The following RMDN2 variants were observed in gnomAD, a reference collection of about 807,000 sequenced individuals.
The protein encoded by RMDN2 is regulator of microtubule dynamics 2, also known as regulator of microtubule dynamics protein 2.
A neutral mutation model predicts 52.8 loss-of-function variants in RMDN2; 61 were observed. The observed-to-expected ratio is 1.16, with a 90% confidence interval of 0.94 to 1.43. The LOEUF (loss-of-function observed/expected upper bound fraction) is 1.43, where lower values mean the gene tolerates loss of function less well. Among genes scored for constraint, RMDN2 ranks in the 40% most tolerant of loss-of-function variants. The pLI is 0.00. For synonymous variants in RMDN2, 180 were observed against 153.1 expected (o/e 1.18, Z -1.30); for missense variants, 592 against 475.3 (o/e 1.25, Z -2.28).
At chr2:37,962,909 G>A (rs888058765) in intron 2 of RMDN2, among the ~76,000 whole-genome samples, 1 of 152,214 alleles carries the variant, frequency 6.6e-6, no homozygotes, top group African/African-American at 2.4e-5. Context: ...AGATAGCACA[G>A]TCTCTCATGG....
At chr2:38,022,282 A>G (rs1679442405), downstream of RMDN2, among the ~76,000 whole-genome samples, 1 of 152,232 alleles carries the variant, frequency 6.6e-6, no homozygotes, top group Admixed American at 6.5e-5. Flanking sequence ...ACAGGATTAT[A>G]TGTAGAACAT....
chr2:38,028,403 T>C (rs551746625), intron 10 of RMDN2, among the ~76,000 whole-genome samples: 4 of 152,374 alleles, frequency 2.6e-5, no homozygotes, highest in African/African-American at 9.6e-5. Context: ...CTTCATTGTA[T>C]GGCATTAATT....
chr2:38,004,563 A>G (rs1299045904), intron 10 of RMDN2, among the ~76,000 whole-genome samples: 3 of 152,114 alleles, frequency 2.0e-5, no homozygotes, highest in Non-Finnish European at 4.4e-5. Flanking sequence ...GCTGTCCTTT[A>G]AATCTCCAGA....
At chr2:38,002,979 C>CAA (rs1558536190) in intron 8 of RMDN2, 2 of 152,312 alleles carry the variant, frequency 1.3e-5, no homozygotes, top group East Asian at 3.9e-4. Context: ...TGTCTAGTGA[C>CAA]AATACCATAC....
rs1223779179 is a variant in RMDN2 at position 37,993,003 on chromosome 2, C to T, written c.945+1706C>T. On this transcript the variant is annotated intron_variant, in intron 7 of 10. Coordinates refer to ENST00000354545, the MANE Select transcript of RMDN2 (RefSeq NM_001170791.3). ...GATCTCGGCTCACTGCAGCCTCCAC[C>T]TTCTGGGTTCAAGTGATTCTCTTGA... Among the ~76,000 whole-genome samples the T allele has an allele frequency of 2.0e-5, 3 of 152,214 alleles. No homozygotes were observed. In the East Asian group the frequency reaches 5.8e-4, roughly 29 times the overall value.
At chr2:38,061,535 G>A (rs554355211) in intron 10 of RMDN2, among the ~76,000 whole-genome samples, 63 of 151,568 alleles carry the variant, frequency 4.2e-4, no homozygotes, top group African/African-American at 1.5e-3. Flanking sequence ...TGGAGAGGAT[G>A]TAAGAGGAAG....
At chr2:38,030,581 GTTTTC>G (rs1680125027) in intron 10 of RMDN2, 2 of 152,132 alleles carry the variant, frequency 1.3e-5, no homozygotes, top group African/African-American at 4.8e-5. Context: ...CATGTTAAAA[GTTTTC>G]TTTTAATTGT....
At chr2:38,032,257 A>T (rs1573185589) in intron 10 of RMDN2, among the ~76,000 whole-genome samples, 1 of 151,848 alleles carries the variant, frequency 6.6e-6, no homozygotes, top group South Asian at 2.1e-4. Flanking sequence ...TCACTCTCCC[A>T]CCTACCTGTA....
chr2:37,939,759 C>G (rs1667619064), intron 2 of RMDN2, among the ~76,000 whole-genome samples: 1 of 152,100 alleles, frequency 6.6e-6, no homozygotes, highest in East Asian at 1.9e-4. Flanking sequence ...TCTTCCATCC[C>G]TTTATTTTGT....
chr2:37,986,507 T>C (rs941647560), intron 5 of RMDN2, among the ~76,000 whole-genome samples: 1 of 152,070 alleles, frequency 6.6e-6, no homozygotes, highest in African/African-American at 2.4e-5. Flanking sequence ...CCATTATCTC[T>C]CATGAATATA....
At chr2:37,983,466 A>G (rs1673595611) in intron 5 of RMDN2, among the ~76,000 whole-genome samples, 1 of 152,218 alleles carries the variant, frequency 6.6e-6, no homozygotes, top group Non-Finnish European at 1.5e-5. Flanking sequence ...ATTAAATCTT[A>G]TCAAAACACA....
intron 10 of RMDN2, among the ~76,000 whole-genome samples, chr2:38,040,645 G>A (rs1558581128): frequency 6.6e-6 from 1 of 152,188 alleles, no homozygotes; most frequent in Non-Finnish European, 1.5e-5. Flanking sequence ...AGACAGTCCT[G>A]AAGTCAGGTA....
chr2:37,979,512 G>A (rs1673021686), intron 4 of RMDN2, among the ~76,000 whole-genome samples: 1 of 152,190 alleles, frequency 6.6e-6, no homozygotes, highest in Non-Finnish European at 1.5e-5. Context: ...GTACAGATTT[G>A]ATCACTGGAG....
chr2:38,018,879 T>G (rs1424704614), downstream of RMDN2, among the ~76,000 whole-genome samples: 3 of 152,304 alleles, frequency 2.0e-5, no homozygotes, highest in African/African-American at 7.2e-5. Context: ...TGGGTGCACA[T>G]GCACGCACAC....
downstream of RMDN2, among the ~76,000 whole-genome samples, chr2:38,022,195 C>A (rs1049486267): frequency 1.3e-5 from 2 of 152,200 alleles, no homozygotes; most frequent in African/African-American, 4.8e-5. Flanking sequence ...AAGAAGTTAT[C>A]TGTAATGAGG....
intron 8 of RMDN2, among the ~76,000 whole-genome samples, chr2:38,000,418 A>G (rs2373329): frequency 0.42 from 64,343 of 152,056 alleles, 15,143 homozygotes; most frequent in East Asian, 0.78. Flanking sequence ...TTATATACCT[A>G]TGTAACCACC....
At chr2:37,961,983 C>T (rs2125017931) in intron 2 of RMDN2, among the ~76,000 whole-genome samples, 1 of 152,314 alleles carries the variant, frequency 6.6e-6, no homozygotes, top group South Asian at 2.1e-4. Flanking sequence ...GCTGGGAGTC[C>T]ACTCCAAACA....
intron 10 of RMDN2, among the ~76,000 whole-genome samples, chr2:38,048,268 AT>A (rs1681390959): frequency 6.6e-6 from 1 of 152,192 alleles, no homozygotes; most frequent in Non-Finnish European, 1.5e-5. Context: ...GTCCATTTCC[AT>A]TTGAGTGTAT....
At chr2:38,022,254 G>A (rs1172258853), downstream of RMDN2, among the ~76,000 whole-genome samples, 1 of 152,308 alleles carries the variant, frequency 6.6e-6, no homozygotes, top group African/African-American at 2.4e-5. Context: ...TCTAAAAACT[G>A]AGTGATTTTC....
Sources: allele counts gnomAD v4.1 joint callset (sites outside exome capture counted in the v4.1 genomes callset), GRCh38; gene constraint gnomAD v4.1.1; transcripts MANE v1.5; gene names NCBI Gene and HGNC (gene_info 2026-07-23, HGNC 2026-07-21).